Variants in ULK4 observed in about 807,000 individuals in gnomAD.
The protein encoded by ULK4 is inactive serine/threonine-protein kinase ULK4.
A neutral mutation model predicts 160.6 loss-of-function variants in ULK4; 133 were observed. The observed-to-expected ratio is 0.83, with a 90% CI of 0.72 to 0.96. The LOEUF (loss-of-function observed/expected upper bound fraction) is 0.96. ULK4 is among the 40% of genes least tolerant of loss of function. The pLI, the probability that ULK4 is intolerant of heterozygous loss-of-function variation, is 0.00. For synonymous variants in ULK4, 534 were observed against 539.8 expected (o/e 0.99, Z 0.15); for missense variants, 1,580 against 1,499.5 (o/e 1.05, Z -0.89).
chr3:41,749,936 A>C (rs1270180794), intron 22 of ULK4, among the ~76,000 whole-genome samples: 2 of 152,168 alleles, frequency 1.3e-5, no homozygotes, highest in African/African-American at 4.8e-5. Flanking sequence ...CTGTCAATGA[A>C]GAAGGACAGA....
chr3:41,699,140 C>T (rs577052446), intron 27 of ULK4, among the ~76,000 whole-genome samples: 65 of 152,236 alleles, frequency 4.3e-4, no homozygotes, highest in Non-Finnish European at 7.9e-4. Context: ...ACAGTATATG[C>T]ATATGTTCAG....
chr3:41,563,058 G>T (rs2087655188), intron 32 of ULK4, among the ~76,000 whole-genome samples: 1 of 152,136 alleles, frequency 6.6e-6, no homozygotes, highest in African/African-American at 2.4e-5. Context: ...CAAGCCTGGT[G>T]GTGACAGTCT....
chr3:41,718,788 A>G (rs2037357395), intron 22 of ULK4, among the ~76,000 whole-genome samples: 1 of 152,226 alleles, frequency 6.6e-6, no homozygotes, highest in South Asian at 2.1e-4. Flanking sequence ...ACATATATAC[A>G]TAAAATGTAT....
At chr3:41,389,017 T>C (rs923676567) in intron 35 of ULK4, among the ~76,000 whole-genome samples, 12 of 151,946 alleles carry the variant, frequency 7.9e-5, no homozygotes, top group African/African-American at 2.9e-4. Context: ...GCATGGAATG[T>C]TCTTCCATTT....
At chr3:41,318,528 CA>C (rs146651790) in intron 35 of ULK4, among the ~76,000 whole-genome samples, 9 of 151,402 alleles carry the variant, frequency 5.9e-5, no homozygotes, top group East Asian at 5.8e-4. Flanking sequence ...AGAAATGCCA[CA>C]AAAAAAAGGG....
At chr3:41,267,673 GCAT>G (rs1314875455) in intron 35 of ULK4, among the ~76,000 whole-genome samples, 1 of 152,116 alleles carries the variant, frequency 6.6e-6, no homozygotes, top group Admixed American at 6.6e-5. Context: ...TATAAATTCT[GCAT>G]GACTCTTAGA....
At chr3:41,513,003 CTAA>C (rs1559663793) in intron 32 of ULK4, among the ~76,000 whole-genome samples, 64 of 6,780 alleles carry the variant, frequency 9.4e-3, no homozygotes, top group African/African-American at 0.013. Flanking sequence ...TACTAATCAG[CTAA>C]CTGATTTTGG....
intron 2 of ULK4, among the ~76,000 whole-genome samples, chr3:41,954,220 C>T (rs1012902953): frequency 4.0e-5 from 6 of 149,132 alleles, no homozygotes; most frequent in Admixed American, 2.0e-4. Context: ...ATTAGCCAGG[C>T]GTGGTGGTAT....
chr3:41,398,314 G>C, intron 34 of ULK4, 50 bp from the exon 35 acceptor site: 2 of 1,576,152 alleles, frequency 1.3e-6, no homozygotes, highest in East Asian at 4.5e-5. Context: ...GACGGTATTA[G>C]TACTCAAAAA....
At chr3:41,343,204 T>C (rs1220470662) in intron 35 of ULK4, among the ~76,000 whole-genome samples, 2 of 151,254 alleles carry the variant, frequency 1.3e-5, no homozygotes, top group Admixed American at 6.6e-5. Flanking sequence ...AAATAAAGGG[T>C]ATTCAAATAG....
intron 35 of ULK4, among the ~76,000 whole-genome samples, chr3:41,297,022 C>T (rs1396583394): frequency 2.0e-5 from 3 of 152,176 alleles, no homozygotes. Flanking sequence ...GAGCTCATCA[C>T]ACTTTCGCAT....
intron 31 of ULK4, among the ~76,000 whole-genome samples, chr3:41,580,087 T>C (rs1473865172): frequency 6.6e-6 from 1 of 152,190 alleles, no homozygotes. Context: ...CTCTTTTGCA[T>C]GTGAATTTCG....
At chr3:41,582,356 G>A (rs1178498312) in intron 31 of ULK4, among the ~76,000 whole-genome samples, 3 of 152,070 alleles carry the variant, frequency 2.0e-5, no homozygotes, top group South Asian at 2.1e-4. Context: ...TATCAGCAAC[G>A]TGAAAACAGA....
rs547350871 is a variant in ULK4, at chr3:41,937,328, C to G, written c.238+770G>C. 4 of 693,330 alleles carry G rather than the reference C, an allele frequency of 5.8e-6. No homozygotes were observed. In the East Asian group the frequency reaches 8.1e-5, roughly 14 times the overall value. The allele number at this position is 693,330 out of a possible 1,614,324, so 42.9% of individuals were successfully genotyped here. ...TGTGTACATCCATGGAAGTAATCAA[C>G]CATAATCCTGTCCTATTGATTCAGA... On this transcript the variant is annotated intron_variant, in intron 3 of 36. Coordinates refer to ENST00000301831, the MANE Select transcript of ULK4 (RefSeq NM_017886.4).
At chr3:41,745,356 G>T (rs151004315) in intron 22 of ULK4, among the ~76,000 whole-genome samples, 1 of 150,430 alleles carries the variant, frequency 6.6e-6, no homozygotes, top group Non-Finnish European at 1.5e-5. Context: ...GTAGTAAAAA[G>T]ATAAAATGGA....
chr3:41,803,437 T>C (rs1300262937), intron 19 of ULK4, among the ~76,000 whole-genome samples: 3 of 152,290 alleles, frequency 2.0e-5, no homozygotes, highest in East Asian at 1.9e-4. Context: ...ATAAAGCTTC[T>C]AGAAGAGGTC....
intron 35 of ULK4, among the ~76,000 whole-genome samples, chr3:41,300,856 T>C (rs918693924): frequency 4.7e-4 from 46 of 97,086 alleles, no homozygotes; most frequent in African/African-American, 2.5e-3. Flanking sequence ...TATATATATA[T>C]ATATATATAT....
chr3:41,829,843 A>C (rs952662658), intron 18 of ULK4, among the ~76,000 whole-genome samples: 2 of 147,286 alleles, frequency 1.4e-5, no homozygotes, highest in Non-Finnish European at 3.0e-5. Context: ...AGACACATGC[A>C]CACGTATGTT....
At chr3:41,343,431 G>A (rs1415030111) in intron 35 of ULK4, among the ~76,000 whole-genome samples, 1 of 150,812 alleles carries the variant, frequency 6.6e-6, no homozygotes, top group Non-Finnish European at 1.5e-5. Context: ...CAGTCTCCTG[G>A]GTAGCTGGGA....
Sources: gnomAD v4.1 joint callset for allele counts (sites outside exome capture counted in the v4.1 genomes callset) on GRCh38, gnomAD v4.1.1 for gene constraint, MANE v1.5 for transcripts, NCBI Gene and HGNC (gene_info 2026-07-23, HGNC 2026-07-21) for gene names.